The following CDH11 variants were observed in gnomAD, a reference collection of about 807,000 sequenced individuals.
The protein encoded by CDH11 is cadherin-11.
A neutral mutation model predicts 67.8 loss-of-function variants in CDH11; 11 were observed. The ratio of observed to expected loss-of-function variants is 0.16; its 90% confidence interval spans 0.10 to 0.27. The LOEUF (loss-of-function observed/expected upper bound fraction) is 0.27, where lower values mean the gene tolerates loss of function less well. CDH11 is among the 10% of genes least tolerant of loss of function. CDH11 has a pLI of 1.00. For synonymous variants in CDH11, 419 were observed against 400.0 expected (o/e 1.05, Z -0.57); for missense variants, 847 against 1,031.2 (o/e 0.82, Z 2.45).
chr16:65,037,668 T>G (rs1415714888), intron 2 of CDH11, among the ~76,000 whole-genome samples: 2 of 152,092 alleles, frequency 1.3e-5, no homozygotes, highest in Non-Finnish European at 2.9e-5. Flanking sequence ...TCTGAACTGT[T>G]TACTTGGCCC....
chr16:64,959,816 G>C (rs1019139755), intron 11 of CDH11, among the ~76,000 whole-genome samples: 5 of 152,170 alleles, frequency 3.3e-5, no homozygotes, highest in Non-Finnish European at 7.3e-5. Context: ...TTGCATGCTA[G>C]TTTGTGCTGC....
chr16:65,004,735 C>T lies in CDH11; in HGVS notation c.135G>A (p.Gly45=). The T allele has an allele frequency of 6.2e-7, 1 of 1,613,890 alleles. No homozygotes were observed. The highest frequency in any genetic ancestry group is 1.1e-5 in the South Asian group (1 of 91,054). The part of the protein sequence containing the change: ...FHGHHEKGKE[G]QVLQRSKRGW... ...CACGCTTGGAGCGCTGTAGCACCTGCCCCTCCTTGCCCTTCTCATGGTGCC... is the reference window on the plus strand; with the variant it reads ...CACGCTTGGAGCGCTGTAGCACCTGTCCCTCCTTGCCCTTCTCATGGTGCC... The change falls in exon 3 of 13, where the codon GGG becomes GGA. Residue 45 remains glycine, a synonymous_variant. Coordinates refer to ENST00000268603, the MANE Select transcript of CDH11 (RefSeq NM_001797.4).
chr16:65,065,628 C>T (rs1343948900), intron 1 of CDH11, among the ~76,000 whole-genome samples: 1 of 152,126 alleles, frequency 6.6e-6, no homozygotes, highest in East Asian at 1.9e-4. Flanking sequence ...AAGCAACAAT[C>T]TTAAACATAG....
intron 3 of CDH11, among the ~76,000 whole-genome samples, chr16:64,999,572 T>C (rs563602404): frequency 1.7e-4 from 26 of 152,282 alleles, no homozygotes; most frequent in African/African-American, 5.3e-4. Context: ...CTCACTCTGT[T>C]GCCCAGGCTG....
chr16:64,990,245 G>A (rs912578657), intron 6 of CDH11, among the ~76,000 whole-genome samples: 2 of 152,118 alleles, frequency 1.3e-5, no homozygotes, highest in Non-Finnish European at 2.9e-5. Flanking sequence ...CGTACAGTGT[G>A]GATAATGGAG....
At chr16:65,002,719 G>A (rs183083105) in intron 3 of CDH11, among the ~76,000 whole-genome samples, 56 of 152,190 alleles carry the variant, frequency 3.7e-4, no homozygotes, top group South Asian at 2.1e-3. Flanking sequence ...AGATAACTTC[G>A]TAGAAATCAG....
intron 1 of CDH11, among the ~76,000 whole-genome samples, chr16:65,069,733 G>A (rs536344630): frequency 4.6e-5 from 7 of 152,126 alleles, no homozygotes; most frequent in African/African-American, 1.7e-4. Flanking sequence ...ACTTTCTTGG[G>A]TTAACAGAAC....
chr16:65,028,025 G>C (rs576165716), intron 2 of CDH11, among the ~76,000 whole-genome samples: 2 of 152,270 alleles, frequency 1.3e-5, no homozygotes, highest in South Asian at 4.2e-4. Flanking sequence ...AGGATTGCAA[G>C]GGCACTTCAC....
intron 2 of CDH11, among the ~76,000 whole-genome samples, chr16:65,018,460 T>C (rs2073357593): frequency 6.6e-6 from 1 of 152,188 alleles, no homozygotes; most frequent in South Asian, 2.1e-4. Context: ...GAAATAACTA[T>C]ATTGCCATAA....
intron 1 of CDH11, among the ~76,000 whole-genome samples, chr16:65,112,168 G>T (rs1192439563): frequency 6.6e-6 from 1 of 152,144 alleles, no homozygotes; most frequent in Non-Finnish European, 1.5e-5. Flanking sequence ...AACCTTTGGG[G>T]AGATAGTTTG....
At position 64,943,972 on chromosome 16, in the gene CDH11, C is replaced by G. The variant is rs1281557287; in HGVS notation, c.*3631G>C. The G allele has an allele frequency of 4.3e-6, 1 of 231,642 alleles. No homozygotes were observed. Among genetic ancestry groups the G allele is most frequent in the South Asian group, 1.8e-4 (1 of 5,510 alleles). The allele number at this position is 231,642 out of a possible 1,614,324, so 14.3% of individuals were successfully genotyped here. On this transcript the variant is annotated 3_prime_UTR_variant, in exon 13 of 13. Transcript: ENST00000268603. ...CATCGATACAAAATAACAAGGGTGA[C>G]CTGCTTTCCATGGAAAAGGAACGTG...
intron 2 of CDH11, among the ~76,000 whole-genome samples, chr16:65,023,454 C>G (rs182790490): frequency 6.6e-6 from 1 of 152,262 alleles, no homozygotes; most frequent in African/African-American, 2.4e-5. Flanking sequence ...CCCGGGAAGC[C>G]ACCTGGGTTC....
upstream of CDH11, chr16:65,122,142 G>C (rs1025511994): frequency 2.0e-6 from 1 of 512,146 alleles, no homozygotes; most frequent in African/African-American, 2.1e-5. Context: ...GGGGCGGGGG[G>C]GGCGGGAGGA....
At chr16:65,052,235 C>T (rs1217319186) in intron 2 of CDH11, among the ~76,000 whole-genome samples, 1 of 152,082 alleles carries the variant, frequency 6.6e-6, no homozygotes, top group Non-Finnish European at 1.5e-5. Context: ...CAACTGGGAG[C>T]ACAGTGGTCC....
intron 2 of CDH11, among the ~76,000 whole-genome samples, chr16:65,022,431 A>T (rs2073447078): frequency 6.6e-6 from 1 of 152,170 alleles, no homozygotes; most frequent in Non-Finnish European, 1.5e-5. Flanking sequence ...ATTTGCTCCA[A>T]TTGCTTAAAA....
chr16:65,095,117 T>C (rs1442200275), intron 1 of CDH11, among the ~76,000 whole-genome samples: 1 of 152,180 alleles, frequency 6.6e-6, no homozygotes, highest in African/African-American at 2.4e-5. Context: ...ACATAGCTCC[T>C]AAATAGCAGA....
At chr16:65,026,572 G>A (rs770664574) in intron 2 of CDH11, among the ~76,000 whole-genome samples, 2 of 152,136 alleles carry the variant, frequency 1.3e-5, no homozygotes, top group Non-Finnish European at 2.9e-5. Flanking sequence ...TAAGTGATAA[G>A]AATTTAGTAA....
At chr16:65,075,748 C>T (rs150774119) in intron 1 of CDH11, among the ~76,000 whole-genome samples, 212 of 152,288 alleles carry the variant, frequency 1.4e-3, no homozygotes, top group Non-Finnish European at 2.1e-3. Flanking sequence ...GCACAGCCAG[C>T]GTAGACAATG....
rs567043714 is a variant in CDH11, at chr16:65,112,515, G to A, written c.-298+9365C>T. On this transcript the variant is annotated intron_variant, in intron 1 of 12. Coordinates refer to ENST00000268603, the MANE Select transcript of CDH11 (RefSeq NM_001797.4). Reference sequence around the variant, plus strand: ...TTAATCAACAGACCTAGTATTCTCTGTGCTGTTAATATTGTCAGCTCTCTG... The same window carrying A: ...TTAATCAACAGACCTAGTATTCTCTATGCTGTTAATATTGTCAGCTCTCTG... Among the ~76,000 whole-genome samples, 7 of 152,236 alleles carry A rather than the reference G, an allele frequency of 4.6e-5. No individual in the cohort carries two copies. The South Asian group carries it at 1.5e-3, about 32-fold the overall frequency.
Sources: gnomAD v4.1 joint callset for allele counts (sites outside exome capture counted in the v4.1 genomes callset) on GRCh38, gnomAD v4.1.1 for gene constraint, MANE v1.5 for transcripts, NCBI Gene and HGNC (gene_info 2026-07-23, HGNC 2026-07-21) for gene names.